Variants in MAP2K5 observed in about 807,000 individuals in gnomAD.
MAP2K5 encodes the protein dual specificity mitogen-activated protein kinase kinase 5.
Under a neutral mutation model 83.1 loss-of-function variants are expected in MAP2K5, and 49 were observed. That is an observed-to-expected ratio of 0.59 (90% confidence interval 0.47 to 0.75). MAP2K5 has a LOEUF of 0.75. MAP2K5 is among the 30% of genes least tolerant of loss of function. MAP2K5 has a pLI of 0.00. For synonymous variants in MAP2K5, 202 were observed against 191.8 expected (o/e 1.05, Z -0.44); for missense variants, 457 against 557.5 (o/e 0.82, Z 1.82).
At chr15:67,728,823 C>T (rs2141249022) in intron 17 of MAP2K5, among the ~76,000 whole-genome samples, 1 of 152,354 alleles carries the variant, frequency 6.6e-6, no homozygotes, top group East Asian at 1.9e-4. Flanking sequence ...GCAGATGCAT[C>T]ACAAACATGG....
intron 21 of MAP2K5, among the ~76,000 whole-genome samples, chr15:67,792,214 C>T (rs1193434700): frequency 6.6e-6 from 1 of 152,218 alleles, no homozygotes; most frequent in Non-Finnish European, 1.5e-5. Context: ...CTAAGACCCT[C>T]CTGCAAAAGA....
In MAP2K5 at chr15:67,786,098, C is replaced by T. The variant is rs528641864; in HGVS notation, c.1242+13346C>T. On this transcript the variant is annotated intron_variant, in intron 21 of 21. Transcript: ENST00000178640. The surrounding 1 kb of genome is among the most constrained non-coding windows in gnomAD (Gnocchi z 4.7). Reference sequence around the variant, plus strand: ...TGAAGTGCGAGACATACATGGGGCACGAGGTCATTCAGCCTCTTTGGGTCA... The same window carrying T: ...TGAAGTGCGAGACATACATGGGGCATGAGGTCATTCAGCCTCTTTGGGTCA... 3.3e-5 allele frequency among the ~76,000 whole-genome samples: 5 copies of T among 151,914 alleles called. No individual in the cohort carries two copies. The highest frequency in any genetic ancestry group is 2.1e-4 in the South Asian group (1 of 4,814).
chr15:67,600,644 C>T (rs374767723), intron 7 of MAP2K5, 41 bp from the exon 8 acceptor site: 30 of 1,526,476 alleles, frequency 2.0e-5, no homozygotes, highest in Non-Finnish European at 2.6e-5. Context: ...TTTCCATCCA[C>T]AGCATGACAC....
At chr15:67,762,796 A>G (rs2089974135) in intron 19 of MAP2K5, among the ~76,000 whole-genome samples, 1 of 152,126 alleles carries the variant, frequency 6.6e-6, no homozygotes, top group Non-Finnish European at 1.5e-5. Context: ...TCTGGTAGTG[A>G]TGTTCACTTG....
intron 1 of MAP2K5, among the ~76,000 whole-genome samples, chr15:67,545,297 A>G (rs1485954400): frequency 6.6e-6 from 1 of 152,124 alleles, no homozygotes; most frequent in African/African-American, 2.4e-5. Flanking sequence ...TCTGGAGGAG[A>G]TAGATATGTT....
rs1455959597 is a variant in MAP2K5, at chr15:67,738,136, G to C, written c.1075-10095G>C. ...CAGAGTACTGGGATTACAGGCGTGA[G>C]CCACTGCACTTGGCCTAGAATAGTC... On this transcript the variant is annotated intron_variant, in intron 17 of 21. Coordinates refer to ENST00000178640, the MANE Select transcript of MAP2K5 (RefSeq NM_145160.3). The surrounding 1 kb of genome is among the most constrained non-coding windows in gnomAD (Gnocchi z 4.1). 2.0e-5 allele frequency among the ~76,000 whole-genome samples: 3 copies of C among 152,154 alleles called. No individual in the cohort carries two copies. In the East Asian group the frequency reaches 5.8e-4, roughly 29 times the overall value.
chr15:67,560,844 A>T (rs1248195240), intron 2 of MAP2K5, among the ~76,000 whole-genome samples: 1 of 152,180 alleles, frequency 6.6e-6, no homozygotes, highest in African/African-American at 2.4e-5. Context: ...TAGCTTTGAG[A>T]AGTTGAAGAA....
chr15:67,563,335 G>A lies in MAP2K5; in HGVS notation c.237G>A (p.Lys79=), dbSNP rs199674502. ...RITVRSDEEM[K]AMLSYYYSTV... ...CAGTGAGAAGTGATGAGGAAATGAA[G>A]GCAATGCTGTCATATGTAAGTATAC... Residue 79 remains lysine, a synonymous_variant, in exon 3 of 22, where the codon AAG becomes AAA. Coordinates refer to ENST00000178640, the MANE Select transcript of MAP2K5 (RefSeq NM_145160.3). The surrounding 1 kb of genome is among the most constrained non-coding windows in gnomAD (Gnocchi z 4.5). 1.2e-5 allele frequency: 19 copies of A among 1,611,140 alleles called. No homozygotes were observed. Among genetic ancestry groups the A allele is most frequent in the Non-Finnish European group, 1.4e-5 (17 of 1,178,990 alleles).
chr15:67,729,455 A>G (rs2089172940), intron 17 of MAP2K5, among the ~76,000 whole-genome samples: 1 of 152,140 alleles, frequency 6.6e-6, no homozygotes, highest in Non-Finnish European at 1.5e-5. Context: ...GTGAGATTTG[A>G]TGGGTGATGA....
Position 67,784,423 on chromosome 15 carries a change from T to G in MAP2K5, c.1242+11671T>G, listed in dbSNP as rs145429093. Among the ~76,000 whole-genome samples, 999 of 152,270 alleles carry G rather than the reference T, an allele frequency of 6.6e-3. 12 individuals are homozygous for G. The highest frequency in any genetic ancestry group is 0.023 in the African/African-American group (964 of 41,548). ...ACAAACTTGTAGGATTTCAGCAGAGTGTGCTTGTGAAGCCAATGCCCCTGT... is the reference window on the plus strand; with the variant it reads ...ACAAACTTGTAGGATTTCAGCAGAGGGTGCTTGTGAAGCCAATGCCCCTGT... On this transcript the variant is annotated intron_variant, in intron 21 of 21. Transcript: ENST00000178640.
chr15:67,588,371 C>T (rs2085328864), intron 6 of MAP2K5, among the ~76,000 whole-genome samples: 1 of 152,230 alleles, frequency 6.6e-6, no homozygotes, highest in Non-Finnish European at 1.5e-5. Context: ...AAATTATCTT[C>T]TGAGAACTGT....
chr15:67,551,002 C>T (rs898491756), intron 2 of MAP2K5, among the ~76,000 whole-genome samples: 1 of 152,102 alleles, frequency 6.6e-6, no homozygotes, highest in Non-Finnish European at 1.5e-5. Flanking sequence ...GAACTCCTGA[C>T]CTCAAGTGAT....
intron 19 of MAP2K5, among the ~76,000 whole-genome samples, chr15:67,762,377 C>T (rs1049438701): frequency 1.3e-5 from 2 of 151,730 alleles, no homozygotes; most frequent in East Asian, 3.9e-4. Flanking sequence ...CAACAAGAGA[C>T]CTAAAATAAA....
intron 8 of MAP2K5, among the ~76,000 whole-genome samples, chr15:67,626,672 G>T (rs1382148558): frequency 3.9e-5 from 6 of 152,082 alleles, no homozygotes; most frequent in Admixed American, 3.3e-4. Context: ...GTCAAGGTGG[G>T]AGGATCGCTT....
At chr15:67,805,362 C>T (rs914913491) in intron 21 of MAP2K5, among the ~76,000 whole-genome samples, 1 of 152,226 alleles carries the variant, frequency 6.6e-6, no homozygotes, top group African/African-American at 2.4e-5. Flanking sequence ...CCATGCCGTC[C>T]CCTGCTCTAC....
intron 8 of MAP2K5, among the ~76,000 whole-genome samples, chr15:67,610,016 T>G (rs1007199866): frequency 2.0e-5 from 3 of 152,096 alleles, no homozygotes; most frequent in Admixed American, 6.5e-5. Flanking sequence ...TTTTTACTTA[T>G]GAGAAAGATA....
intron 16 of MAP2K5, among the ~76,000 whole-genome samples, chr15:67,725,262 G>C (rs929700809): frequency 6.6e-6 from 1 of 152,212 alleles, no homozygotes; most frequent in Non-Finnish European, 1.5e-5. Flanking sequence ...AGTCATGACA[G>C]AGAGGGCCAA....
chr15:67,678,962 CAAAAAAA>C (rs35828534), intron 13 of MAP2K5, among the ~76,000 whole-genome samples: 1 of 115,964 alleles, frequency 8.6e-6, no homozygotes, highest in East Asian at 2.6e-4. Flanking sequence ...CACTGCATCT[CAAAAAAA>C]AAAAAAAAAA....
intron 21 of MAP2K5, among the ~76,000 whole-genome samples, chr15:67,792,842 A>G (rs1215889647): frequency 1.3e-5 from 2 of 152,222 alleles, no homozygotes; most frequent in Non-Finnish European, 2.9e-5. Flanking sequence ...GTCTTTAATG[A>G]ATTCAGAGGA....
Sources: allele counts gnomAD v4.1 joint callset (sites outside exome capture counted in the v4.1 genomes callset), GRCh38; gene constraint gnomAD v4.1.1; non-coding constraint Gnocchi (gnomAD v3.1); transcripts MANE v1.5; gene names NCBI Gene and HGNC (gene_info 2026-07-23, HGNC 2026-07-21).